The following SMC1A variants were observed in gnomAD, a reference collection of about 807,000 sequenced individuals.
The protein encoded by SMC1A is structural maintenance of chromosomes protein 1A.
In SMC1A, 4 loss-of-function variants were observed where a neutral mutation model predicts 94.5. The observed-to-expected ratio is 0.04, with a 90% CI of 0.02 to 0.10. SMC1A has a LOEUF of 0.10. Ranked by LOEUF, SMC1A falls within the 10% of genes least tolerant of loss-of-function variation. The probability of loss-of-function intolerance (pLI) is 1.00; values close to 1 mark genes in which losing one functional copy is unlikely to be tolerated. For synonymous variants in SMC1A, 345 were observed against 347.7 expected, an observed-to-expected ratio of 0.99 and a Z score of 0.09; for missense variants, 304 against 989.0, an observed-to-expected ratio of 0.31 and a Z score of 9.29.
At chrX:53,416,682 G>A (rs1261287979) in intron 1 of SMC1A, among the ~76,000 whole-genome samples, 2 of 104,552 alleles carry the variant, frequency 1.9e-5, no homozygotes, top group Admixed American at 1.0e-4. Flanking sequence ...GAGCCACCAC[G>A]CCTGGCCTGG....
At chrX:53,391,818 G>A (rs1385068189) in intron 19 of SMC1A, among the ~76,000 whole-genome samples, 1 of 111,026 alleles carries the variant, frequency 9.0e-6, no homozygotes, top group African/African-American at 3.3e-5. Flanking sequence ...TTTGAGACAG[G>A]GTCTTGAACT....
rs782182228 is a variant in SMC1A at position 53,413,079 on chromosome X, G to A, written c.675C>T (p.Leu225=). 11 of 1,209,639 alleles carry A rather than the reference G, an allele frequency of 9.1e-6. No individual in the cohort carries two copies. Among genetic ancestry groups the A allele is most frequent in the Non-Finnish European group, 1.2e-5 (11 of 895,195 alleles). ...EVVRAQVQLQ[L]FKLYHNEVEI... Reference sequence around the variant, plus strand: ...CCACTTCATTATGGTAAAGCTTAAAGAGCTGCAGCTGTACCTGAGCCCGTA... The same window carrying A: ...CCACTTCATTATGGTAAAGCTTAAAAAGCTGCAGCTGTACCTGAGCCCGTA... The change falls in exon 5 of 25, where the codon CTC becomes CTT. Residue 225 remains leucine (L), a synonymous_variant. Coordinates refer to ENST00000322213, the MANE Select transcript of SMC1A (RefSeq NM_006306.4).
chrX:53,380,816 G>A, intron 23 of SMC1A, 86 bp from the exon 24 acceptor site: 1 of 713,564 alleles, frequency 1.4e-6, no homozygotes, highest in East Asian at 3.2e-5. Flanking sequence ...AGGCAGAAGA[G>A]GTAGGGTAGG....
In SMC1A at chrX:53,382,406, G is replaced by C. The variant is rs368763198; in HGVS notation, c.3286-23C>G. Reference sequence around the variant, plus strand: ...TGCCTAGGGGAAGGCAGATGGGTCAGGATCTGTATCTGAGACTGGATGGAG... The same window carrying C: ...TGCCTAGGGGAAGGCAGATGGGTCACGATCTGTATCTGAGACTGGATGGAG... On this transcript the variant is annotated intron_variant, in intron 21 of 24. Transcript: ENST00000322213. 5 of 1,199,502 alleles carry C rather than the reference G, an allele frequency of 4.2e-6. No homozygotes were observed. In the African/African-American group the frequency reaches 5.3e-5, roughly 13 times the overall value.
rs59213412 is a variant in SMC1A, at chrX:53,403,171, C to CA, written c.2420+394dup. Among the ~76,000 whole-genome samples the CA allele has an allele frequency of 2.2e-3, 65 of 30,037 alleles. 1 individual carries two copies. Among genetic ancestry groups the CA allele is most frequent in the Non-Finnish European group, 2.9e-3 (56 of 19,555 alleles). 26.1% of individuals were successfully genotyped at this position (30,037 alleles called of 115,157 possible). A position where few individuals can be genotyped will look rare whatever the true frequency, so the allele number is the denominator to read the frequency against. On this transcript the variant is annotated intron_variant, in intron 15 of 24. Coordinates refer to ENST00000322213, the MANE Select transcript of SMC1A (RefSeq NM_006306.4). ...TCGGAAACAGAGTGAGATCCTGTGTCAAAAAAAAAAAAAAAAAAAAAAAAA... is the reference window on the plus strand; with the variant it reads ...TCGGAAACAGAGTGAGATCCTGTGTCAAAAAAAAAAAAAAAAAAAAAAAAAA...
rs1556887983 is a variant in SMC1A, at chrX:53,396,240, A to G, written c.2849T>C (p.Ile950Thr). The change falls in exon 18 of 25, where the codon ATT becomes ACT. Residue 950 changes from isoleucine (I) to threonine (T), a missense_variant. By Grantham distance (89) the Ile-to-Thr change is moderately conservative. This residue lies in a region of SMC1A where 22 missense variants were observed against 17.5 expected (regional missense o/e 1.26). Coordinates refer to ENST00000322213, the MANE Select transcript of SMC1A (RefSeq NM_006306.4). Reference sequence around the variant, plus strand: ...CACAATACTCACCTCTTCCTGACTAATATCATCCATGGTGCCTTTTGACAG... The same window carrying G: ...CACAATACTCACCTCTTCCTGACTAGTATCATCCATGGTGCCTTTTGACAG... ...LPLSKGTMDDISQEEGSSQGE... is the reference protein window; with the variant it reads ...LPLSKGTMDDTSQEEGSSQGE... 8.3e-7 allele frequency: 1 copy of G among 1,210,863 alleles called. No individual in the cohort carries two copies. The highest frequency in any genetic ancestry group is 1.8e-5 in the South Asian group (1 of 56,929).
intron 9 of SMC1A, 46 bp downstream of exon 9, chrX:53,409,016 C>T (rs782100593): frequency 8.8e-7 from 1 of 1,131,338 alleles, no homozygotes; most frequent in Non-Finnish European, 1.2e-6. Flanking sequence ...AATCGTGTGA[C>T]AGTGAGTGTA....
In SMC1A at chrX:53,378,896, C is replaced by A. The variant is rs936455927; in HGVS notation, c.*1207G>T. On this transcript the variant is annotated 3_prime_UTR_variant, in exon 25 of 25. Transcript: ENST00000322213. ...CACAACCCAGATTGGGGCTCAGGCA[C>A]CCGGTTACCAGACATGATTGAAGCT... is the stretch of plus-strand genomic sequence containing the variant. The A allele has an allele frequency of 3.6e-5, 4 of 111,806 alleles. No individual in the cohort carries two copies. Among genetic ancestry groups the A allele is most frequent in the Non-Finnish European group, 7.5e-5 (4 of 53,154 alleles). The allele number at this position is 111,806 out of a possible 1,213,427, so 9.2% of individuals were successfully genotyped here.
intron 1 of SMC1A, among the ~76,000 whole-genome samples, chrX:53,418,633 T>C (rs1228041862): frequency 8.9e-6 from 1 of 112,160 alleles, no homozygotes; most frequent in East Asian, 2.8e-4. Flanking sequence ...AGGGTCTCCC[T>C]ATGTTGCCTA....
chrX:53,382,035 A>G, intron 22 of SMC1A, 197 bp downstream of exon 22: 1 of 483,951 alleles, frequency 2.1e-6, no homozygotes, highest in East Asian at 3.7e-5. Flanking sequence ...GGACATGCTG[A>G]GCAGATGAGG....
In SMC1A at chrX:53,383,212, T is replaced by C; in HGVS notation, c.3015A>G (p.Thr1005=). 4 of 1,186,061 alleles carry C rather than the reference T, an allele frequency of 3.4e-6. No individual in the cohort carries two copies. Among genetic ancestry groups the C allele is most frequent in the African/African-American group, 1.7e-5 (1 of 57,267 alleles). The part of the protein sequence containing the change: ...AEEEIKQEMN[T]LQQKLNEQQS... ...GCTGCTCATTCAGCTTCTGCTGCAG[T>C]GTGTTCATCTCTTGCTTGATCTCTT... The change falls in exon 20 of 25, where the codon ACA becomes ACG. Residue 1005 remains threonine (T), a synonymous_variant. Coordinates refer to ENST00000322213, the MANE Select transcript of SMC1A (RefSeq NM_006306.4).
intron 16 of SMC1A, among the ~76,000 whole-genome samples, chrX:53,399,290 TTG>T (rs1399494854): frequency 8.9e-6 from 1 of 112,526 alleles, no homozygotes; most frequent in East Asian, 2.8e-4. Context: ...GTATTGAGCA[TTG>T]TGTCTTCTGT....
At chrX:53,396,913 A>G (rs2075653331) in intron 16 of SMC1A, among the ~76,000 whole-genome samples, 1 of 112,241 alleles carries the variant, frequency 8.9e-6, no homozygotes, top group African/African-American at 3.2e-5. Context: ...ATTCTAGCAC[A>G]TTTTCTTTCA....
intron 1 of SMC1A, among the ~76,000 whole-genome samples, chrX:53,417,810 G>A (rs2075738124): frequency 8.9e-6 from 1 of 111,887 alleles, no homozygotes; most frequent in Non-Finnish European, 1.9e-5. Context: ...ACTTAGGGGT[G>A]AAATGTAATT....
At chrX:53,383,725 A>C (rs144613314) in intron 19 of SMC1A, among the ~76,000 whole-genome samples, 2,410 of 112,511 alleles carry the variant, frequency 0.021, 35 homozygotes, top group Non-Finnish European at 0.031. Context: ...GTTCTTATGG[A>C]TATTGCAATG....
intron 22 of SMC1A, 21 bp from the exon 23 acceptor site, chrX:53,381,108 G>C (rs200302197): frequency 1.3e-5 from 14 of 1,039,188 alleles, no homozygotes; most frequent in Admixed American, 6.7e-5. Context: ...ACCAGTAGGT[G>C]AGCTGACACT....
intron 19 of SMC1A, among the ~76,000 whole-genome samples, chrX:53,391,342 G>T (rs2075628888): frequency 9.2e-6 from 1 of 109,202 alleles, no homozygotes; most frequent in Non-Finnish European, 1.9e-5. Context: ...AAATGGGCCA[G>T]GTGCAGAGGC....
chrX:53,417,269 A>G (rs1057061797), intron 1 of SMC1A, among the ~76,000 whole-genome samples: 2 of 110,683 alleles, frequency 1.8e-5, no homozygotes, highest in Non-Finnish European at 3.8e-5. Flanking sequence ...AGAAAGGGTG[A>G]GCCGGGCACG....
chrX:53,386,987 T>C (rs1337369103), intron 19 of SMC1A, among the ~76,000 whole-genome samples: 1 of 111,825 alleles, frequency 8.9e-6, no homozygotes, highest in Non-Finnish European at 1.9e-5. Context: ...AATAATCAAA[T>C]TGTTACTAAT....
Sources: allele counts gnomAD v4.1 joint callset (sites outside exome capture counted in the v4.1 genomes callset), GRCh38; gene constraint gnomAD v4.1.1; regional missense constraint gnomAD v4.1.1; transcripts MANE v1.5; gene names NCBI Gene and HGNC (gene_info 2026-07-23, HGNC 2026-07-21).